NRXN3: variants seen among roughly 807,000 people sequenced by gnomAD.
The protein encoded by NRXN3 is neurexin III.
A neutral mutation model predicts 137.6 loss-of-function variants in NRXN3; 32 were observed. The ratio of observed to expected loss-of-function variants is 0.23; its 90% CI spans 0.18 to 0.31. The LOEUF is 0.31. Ranked by LOEUF, NRXN3 falls within the 10% of genes least tolerant of loss-of-function variation. NRXN3 has a pLI of 1.00. For missense variants in NRXN3, 1,574 were observed against 2,062.5 expected, an observed-to-expected ratio of 0.76 and a Z score of 4.59; for synonymous variants, 798 against 784.5, an observed-to-expected ratio of 1.02 and a Z score of -0.29.
At chr14:78,737,163 A>G (rs2098544705) in intron 8 of NRXN3, among the ~76,000 whole-genome samples, 1 of 152,072 alleles carries the variant, frequency 6.6e-6, no homozygotes, top group South Asian at 2.1e-4. Context: ...CGTTCTTCCT[A>G]CTTAATCCCC....
chr14:78,657,587 A>T (rs2097794979), intron 6 of NRXN3, among the ~76,000 whole-genome samples: 1 of 152,214 alleles, frequency 6.6e-6, no homozygotes, highest in Admixed American at 6.5e-5. Flanking sequence ...CATTGTGCAC[A>T]TTACATTCCA....
intron 4 of NRXN3, among the ~76,000 whole-genome samples, chr14:78,469,056 TC>T (rs1228083861): frequency 6.6e-6 from 1 of 152,076 alleles, no homozygotes. Context: ...GTGGGACTCT[TC>T]CCACAAGGAG....
intron 19 of NRXN3, among the ~76,000 whole-genome samples, chr14:79,751,979 T>G (rs1339874407): frequency 1.3e-5 from 2 of 152,150 alleles, no homozygotes; most frequent in Admixed American, 6.5e-5. Flanking sequence ...TTTGCCAGTA[T>G]TTTATTGAGG....
At chr14:78,692,103 A>G (rs980963360) in intron 6 of NRXN3, among the ~76,000 whole-genome samples, 1 of 152,186 alleles carries the variant, frequency 6.6e-6, no homozygotes, top group Admixed American at 6.5e-5. Flanking sequence ...TTTACTATCC[A>G]CTTGTCTTTA....
chr14:78,589,499 C>T (rs191943686), intron 4 of NRXN3, among the ~76,000 whole-genome samples: 4 of 152,322 alleles, frequency 2.6e-5, no homozygotes, highest in African/African-American at 4.8e-5. Flanking sequence ...TCTGACCTTC[C>T]CCATGAAATC....
intron 4 of NRXN3, among the ~76,000 whole-genome samples, chr14:78,397,727 C>T (rs1299689284): frequency 6.6e-6 from 1 of 151,720 alleles, no homozygotes; most frequent in Non-Finnish European, 1.5e-5. Context: ...CCTCAGCCTC[C>T]CAAGTAGCTG....
At chr14:78,497,592 A>G (rs1295139829) in intron 4 of NRXN3, among the ~76,000 whole-genome samples, 1 of 144,188 alleles carries the variant, frequency 6.9e-6, no homozygotes, top group Non-Finnish European at 1.5e-5. Context: ...TCATCCATCC[A>G]TCCATCCATC....
chr14:79,019,771 TTGAG>T (rs1466578705), intron 15 of NRXN3, among the ~76,000 whole-genome samples: 1 of 151,796 alleles, frequency 6.6e-6, no homozygotes, highest in East Asian at 1.9e-4. Flanking sequence ...ACTTCCTGGA[TTGAG>T]TAAGTAAGAG....
chr14:78,824,445 C>T (rs1350008384), intron 10 of NRXN3, among the ~76,000 whole-genome samples: 1 of 152,128 alleles, frequency 6.6e-6, no homozygotes, highest in Non-Finnish European at 1.5e-5. Context: ...TAGCACGGTG[C>T]TAATCATATA....
At chr14:79,611,644 A>G (rs920826398) in intron 16 of NRXN3, 2 of 152,258 alleles carry the variant, frequency 1.3e-5, no homozygotes, top group Non-Finnish European at 2.9e-5. Flanking sequence ...ACAACGATTC[A>G]ACAGTACTGG....
intron 15 of NRXN3, among the ~76,000 whole-genome samples, chr14:79,094,979 A>AGTGTGTGTGTGTGTGT (rs1555740770): frequency 1.1e-4 from 13 of 115,928 alleles, no homozygotes; most frequent in African/African-American, 1.9e-4. Flanking sequence ...AGAGAGAGAG[A>AGTGTGTGTGTGTGTGT]GTGTGTGTGT....
chr14:79,415,580 A>G (rs1410714312), intron 15 of NRXN3, among the ~76,000 whole-genome samples: 3 of 152,140 alleles, frequency 2.0e-5, no homozygotes, highest in Admixed American at 2.0e-4. Context: ...ACTGTTACTC[A>G]AAAGAGGGAT....
At chr14:78,328,785 G>A (rs1365753781) in intron 4 of NRXN3, among the ~76,000 whole-genome samples, 1 of 152,178 alleles carries the variant, frequency 6.6e-6, no homozygotes, top group Non-Finnish European at 1.5e-5. Context: ...AAGGCTTTGA[G>A]ATAATTTCTT....
chr14:79,089,524 G>A (rs538006174), intron 15 of NRXN3, among the ~76,000 whole-genome samples: 2 of 152,134 alleles, frequency 1.3e-5, no homozygotes, highest in African/African-American at 4.8e-5. Flanking sequence ...TTTCATACAC[G>A]AATGAGAAAG....
At chr14:78,477,797 G>T (rs1355591806) in intron 4 of NRXN3, among the ~76,000 whole-genome samples, 1 of 152,164 alleles carries the variant, frequency 6.6e-6, no homozygotes, top group Non-Finnish European at 1.5e-5. Flanking sequence ...AACAAAGATT[G>T]AGTTACAAAA....
intron 16 of NRXN3, among the ~76,000 whole-genome samples, chr14:79,506,780 A>G (rs1482390644): frequency 6.6e-6 from 1 of 152,210 alleles, no homozygotes; most frequent in African/African-American, 2.4e-5. Context: ...AGAAAGCTCT[A>G]GAATGAGATT....
chr14:78,480,443 T>C (rs2153738398), intron 4 of NRXN3, among the ~76,000 whole-genome samples: 1 of 152,350 alleles, frequency 6.6e-6, no homozygotes, highest in South Asian at 2.1e-4. Flanking sequence ...GTCCCAGCTC[T>C]GGGTGGCATC....
At position 78,393,265 on chromosome 14, in the gene NRXN3, T is replaced by C. The variant is rs528394129; in HGVS notation, c.757+95405T>C. Among the ~76,000 whole-genome samples the C allele has an allele frequency of 2.0e-4, 31 of 152,156 alleles. No individual in the cohort carries two copies. In the South Asian group the frequency reaches 6.4e-3, roughly 32 times the overall value. On this transcript the variant is annotated intron_variant, in intron 4 of 20. Transcript: ENST00000335750. ...TCATAAGCAGCTGTAAGAAATAATATAGCAAGATCCCAAGTACACTTTATA... is the reference window on the plus strand; with the variant it reads ...TCATAAGCAGCTGTAAGAAATAATACAGCAAGATCCCAAGTACACTTTATA...
At chr14:79,566,691 T>C (rs181646879) in intron 16 of NRXN3, among the ~76,000 whole-genome samples, 86 of 152,284 alleles carry the variant, frequency 5.6e-4, no homozygotes, top group African/African-American at 2.0e-3. Flanking sequence ...CTTCATGTGG[T>C]AAGTATTCAA....
Sources: gnomAD v4.1 joint callset for allele counts (sites outside exome capture counted in the v4.1 genomes callset) on GRCh38, gnomAD v4.1.1 for gene constraint, MANE v1.5 for transcripts, NCBI Gene and HGNC (gene_info 2026-07-23, HGNC 2026-07-21) for gene names.